Variants in ARHGAP4 observed in about 807,000 individuals in gnomAD.
ARHGAP4 encodes Rho GTPase activating protein 4.
ARHGAP4 carries 25 observed loss-of-function variants against 67.6 expected under a neutral mutation model. The ratio of observed to expected loss-of-function variants is 0.37; its 90% CI spans 0.27 to 0.52. The LOEUF (loss-of-function observed/expected upper bound fraction) is 0.52. ARHGAP4 is among the 20% of genes least tolerant of loss of function. The pLI is 0.92. For synonymous variants in ARHGAP4, 448 were observed against 373.7 expected (o/e 1.20, Z -2.29); for missense variants, 804 against 854.6 (o/e 0.94, Z 0.74).
chrX:153,912,680 A>T lies in ARHGAP4; in HGVS notation c.1542+20T>A. 8.5e-7 allele frequency: 1 copy of T among 1,170,382 alleles called. No individual in the cohort carries two copies. The highest frequency in any genetic ancestry group is 1.2e-6 in the Non-Finnish European group (1 of 860,520). ...GATCAGCATGTACAGGTGGGCTGGC[A>T]TGTGGGGCAAAGCTAGTACCTGGAT... is the stretch of plus-strand genomic sequence containing the variant. On this transcript the variant is annotated intron_variant, in intron 12 of 21. Coordinates refer to ENST00000350060, the MANE Select transcript of ARHGAP4 (RefSeq NM_001666.5).
intron 1 of ARHGAP4, among the ~76,000 whole-genome samples, chrX:153,924,473 G>A (rs942173784): frequency 9.0e-6 from 1 of 111,620 alleles, no homozygotes; most frequent in African/African-American, 3.3e-5. Flanking sequence ...GCCCTCTTCC[G>A]ACCCCTTCTT....
rs2065072948 is a variant in ARHGAP4 at position 153,918,885 on chromosome X, T to C, written c.979A>G (p.Thr327Ala). Reference protein sequence around the residue: ...DKAKVLEVHATVFCPPLRFDY... With the variant: ...DKAKVLEVHAAVFCPPLRFDY... ...AAGCGCAGCGGGGGACAGAAGACGGTAGCATGCACCTCGAGAACCTTGGCT... is the reference window on the plus strand; with the variant it reads ...AAGCGCAGCGGGGGACAGAAGACGGCAGCATGCACCTCGAGAACCTTGGCT... Residue 327 changes from threonine to alanine, a missense_variant, in exon 7 of 22, where the codon ACC becomes GCC. This residue lies in a region of ARHGAP4 where 404 missense variants were observed against 505.9 expected (regional missense o/e 0.80). Transcript: ENST00000350060. The C allele has an allele frequency of 8.3e-7, 1 of 1,210,740 alleles. No individual in the cohort carries two copies. Among genetic ancestry groups the C allele is most frequent in the Non-Finnish European group, 1.1e-6 (1 of 895,313 alleles).
chrX:153,924,645 A>G (rs2065116112), intron 1 of ARHGAP4, among the ~76,000 whole-genome samples: 1 of 111,820 alleles, frequency 8.9e-6, no homozygotes, highest in Non-Finnish European at 1.9e-5. Context: ...CTGGGTAAAA[A>G]GCCAGGGCTG....
chrX:153,908,007 G>A (rs369194113), intron 21 of ARHGAP4, 45 bp from the exon 22 acceptor site: 34 of 1,098,856 alleles, frequency 3.1e-5, no homozygotes, highest in Admixed American at 1.2e-4. Context: ...GAGTTCCCCC[G>A]ACTGACCCTG....
intron 7 of ARHGAP4, among the ~76,000 whole-genome samples, chrX:153,918,464 C>T (rs2148524855): frequency 8.9e-6 from 1 of 112,678 alleles, no homozygotes; most frequent in Non-Finnish European, 1.9e-5. Flanking sequence ...CAATGCCCAT[C>T]AGGATAAACT....
At chrX:153,908,026 C>A in intron 21 of ARHGAP4, 64 bp from the exon 22 acceptor site, 4 of 1,009,349 alleles carry the variant, frequency 4.0e-6, no homozygotes, top group South Asian at 2.8e-5. Flanking sequence ...TGCCCAAGAC[C>A]CACCTGAGTT....
At position 153,910,610 on chromosome X, in the gene ARHGAP4, C is replaced by T. The variant is rs2065012628; in HGVS notation, c.1818G>A (p.Glu606=). ...CCACCCTCTCCGCTGTGGCCTCCAG[C>T]TCTGTGGCCAAAGCCGCCCAGAGAG... is the stretch of plus-strand genomic sequence containing the variant. ...DLFGELLASS[E]LEATAERVEH... Residue 606 remains glutamate, a splice_region_variant and synonymous_variant, in exon 16 of 22, where the codon GAG becomes GAA. Transcript: ENST00000350060. The T allele has an allele frequency of 8.3e-7, 1 of 1,203,226 alleles. No individual in the cohort carries two copies. The highest frequency in any genetic ancestry group is 1.8e-5 in the South Asian group (1 of 56,134).
Position 153,910,115 on chromosome X carries a change from A to AG in ARHGAP4, c.2157-31dup, listed in dbSNP as rs782653540. The AG allele has an allele frequency of 3.3e-6, 4 of 1,208,787 alleles. No individual in the cohort carries two copies. The African/African-American group carries it at 7.0e-5, about 21-fold the overall frequency. The stretch of plus-strand genomic sequence containing the variant: ...GGTTCAGGGCAGAGCGAGGCAGATG[A>AG]GGGGGGCTCTTCTCCAGTGGACCCC... On this transcript the variant is annotated intron_variant, in intron 17 of 21. Coordinates refer to ENST00000350060, the MANE Select transcript of ARHGAP4 (RefSeq NM_001666.5).
intron 1 of ARHGAP4, among the ~76,000 whole-genome samples, chrX:153,924,450 T>A (rs2065114781): frequency 9.0e-6 from 1 of 111,430 alleles, no homozygotes; most frequent in African/African-American, 3.3e-5. Context: ...GACCTCCCCC[T>A]AAACTAGGGC....
At chrX:153,911,392 G>A (rs959706682) in intron 12 of ARHGAP4, among the ~76,000 whole-genome samples, 5 of 109,832 alleles carry the variant, frequency 4.6e-5, no homozygotes, top group Non-Finnish European at 9.5e-5. Context: ...CCAATGGTGG[G>A]ATTACAGGCA....
Position 153,921,729 on chromosome X carries a change from C to T in ARHGAP4, c.148G>A (p.Ala50Thr), listed in dbSNP as rs782153749. The part of the protein sequence containing the change: ...ELRRELLQEL[A>T]EFMRRRAEVE... ...TCAGCGCGGCGCCGCATGAACTCTG[C>T]CAGCTCCTGCAGCAACTCCCGCCGC... Residue 50 changes from alanine to threonine, a missense_variant, in exon 2 of 22, where the codon GCA becomes ACA. Around this residue, in one of 2 missense-constraint regions of ARHGAP4, gnomAD observed 404 missense variants for 505.9 expected, o/e 0.80. Coordinates refer to ENST00000350060, the MANE Select transcript of ARHGAP4 (RefSeq NM_001666.5). The T allele has an allele frequency of 1.7e-6, 2 of 1,202,264 alleles. No homozygotes were observed.
intron 6 of ARHGAP4, 24 bp downstream of exon 6, chrX:153,919,131 C>T (rs2065074859): frequency 8.3e-7 from 1 of 1,210,075 alleles, no homozygotes; most frequent in Admixed American, 2.2e-5. Context: ...GGCACCTTTT[C>T]CCACCTGCCC....
At chrX:153,911,251 GCT>G in intron 12 of ARHGAP4, 62 bp from the exon 13 acceptor site, 2 of 561,729 alleles carry the variant, frequency 3.6e-6, no homozygotes, top group Admixed American at 5.4e-5. Flanking sequence ...TCATTCAATT[GCT>G]TTTTTTTTTT....
In ARHGAP4 at chrX:153,910,995, C is replaced by A; in HGVS notation, c.1608G>T (p.Leu536=). ...ATACCCGGAAGATGCCTTCATGCTGCAGGCCTGTGGGAGGACAAGGAGCTG... is the reference window on the plus strand; with the variant it reads ...ATACCCGGAAGATGCCTTCATGCTGAAGGCCTGTGGGAGGACAAGGAGCTG... The part of the protein sequence containing the change: ...SCIRFINLNG[L]QHEGIFRVSG... The change falls in exon 14 of 22, where the codon CTG becomes CTT. Residue 536 remains leucine, a synonymous_variant. Coordinates refer to ENST00000350060, the MANE Select transcript of ARHGAP4 (RefSeq NM_001666.5). 1 of 1,163,199 alleles carries A rather than the reference C, an allele frequency of 8.6e-7. No individual in the cohort carries two copies. Among genetic ancestry groups the A allele is most frequent in the Non-Finnish European group, 1.1e-6 (1 of 870,715 alleles).
At position 153,907,725 on chromosome X, in the gene ARHGAP4, C is replaced by T; in HGVS notation, c.*4G>A. The T allele has an allele frequency of 1.0e-6, 1 of 961,799 alleles. No individual in the cohort carries two copies. Among genetic ancestry groups the T allele is most frequent in the Non-Finnish European group, 1.3e-6 (1 of 741,527 alleles). The allele number at this position is 961,799 out of a possible 1,213,427, so 79.3% of individuals were successfully genotyped here. On this transcript the variant is annotated 3_prime_UTR_variant, in exon 22 of 22. Coordinates refer to ENST00000350060, the MANE Select transcript of ARHGAP4 (RefSeq NM_001666.5). The stretch of plus-strand genomic sequence containing the variant: ...CGGGGGCACGCATCTCCAGCAGCGG[C>T]ACCTCAGTGTGGCTTGGGGGTCGTG...
chrX:153,919,792 ATTTT>A, intron 5 of ARHGAP4: 1 of 694,327 alleles, frequency 1.4e-6, no homozygotes, highest in Non-Finnish European at 1.9e-6. Flanking sequence ...TTTTTTTTTT[ATTTT>A]TTTTTTTTGA....
Position 153,918,978 on chromosome X carries a change from C to T in ARHGAP4, c.886G>A (p.Ala296Thr), listed in dbSNP as rs141972379. Residue 296 changes from alanine to threonine, a missense_variant, in exon 7 of 22, where the codon GCC becomes ACC. Ala to Thr is a moderately conservative substitution (Grantham distance 58). Coordinates refer to ENST00000350060, the MANE Select transcript of ARHGAP4 (RefSeq NM_001666.5). ...SYTAAESRTQ[A>T]SQVQGLGSLE... ...CTGCCCAGGCCCTGCACTTGGGAGGCTTGGGTGCGGCTCTCAGCGGCCGTG... is the reference window on the plus strand; with the variant it reads ...CTGCCCAGGCCCTGCACTTGGGAGGTTTGGGTGCGGCTCTCAGCGGCCGTG... The T allele has an allele frequency of 1.8e-5, 22 of 1,210,566 alleles. No individual in the cohort carries two copies. The highest frequency in any genetic ancestry group is 2.3e-4 in the Middle Eastern group (1 of 4,355).
intron 5 of ARHGAP4, chrX:153,920,346 C>T: frequency 2.8e-6 from 1 of 361,092 alleles, no homozygotes; most frequent in Non-Finnish European, 4.8e-6. Flanking sequence ...CTTCTTGCCC[C>T]CCTCTGAAAC....
intron 7 of ARHGAP4, among the ~76,000 whole-genome samples, chrX:153,918,084 T>G (rs2065067525): frequency 1.8e-5 from 2 of 112,898 alleles, no homozygotes; most frequent in African/African-American, 6.4e-5. Flanking sequence ...AAGGAAAAAT[T>G]GTCCAAGGAA....
Sources: gnomAD v4.1 joint callset for allele counts (sites outside exome capture counted in the v4.1 genomes callset) on GRCh38, gnomAD v4.1.1 for gene constraint, gnomAD v4.1.1 regional missense constraint, MANE v1.5 for transcripts, NCBI Gene and HGNC (gene_info 2026-07-23, HGNC 2026-07-21) for gene names.